DNAH9: variants seen among roughly 807,000 people sequenced by gnomAD.
The protein encoded by DNAH9 is dynein axonemal heavy chain 9.
DNAH9 carries 345 observed loss-of-function variants against 471.6 expected under a neutral mutation model. That is an observed-to-expected ratio of 0.73 (90% CI 0.67 to 0.80). The LOEUF is 0.80. DNAH9 is among the 30% of genes least tolerant of loss of function. The pLI, the probability that DNAH9 is intolerant of heterozygous loss-of-function variation, is 0.00. For missense variants in DNAH9, 5,407 were observed against 5,609.2 expected (o/e 0.96, Z 1.15); for synonymous variants, 2,093 against 2,123.6 (o/e 0.99, Z 0.40).
At chr17:11,913,160 T>A (rs527334712) in intron 61 of DNAH9, among the ~76,000 whole-genome samples, 4 of 150,484 alleles carry the variant, frequency 2.7e-5, no homozygotes, top group Non-Finnish European at 4.5e-5. Flanking sequence ...AAAGCGAGAC[T>A]CTGTCTCAAA....
chr17:11,928,610 C>T (rs554951604), intron 62 of DNAH9, among the ~76,000 whole-genome samples: 12 of 152,262 alleles, frequency 7.9e-5, no homozygotes, highest in African/African-American at 1.2e-4. Context: ...AGCAATCAAA[C>T]GTTGGGAGGA....
At chr17:11,829,711 G>T (rs2150949215) in intron 48 of DNAH9, among the ~76,000 whole-genome samples, 1 of 152,280 alleles carries the variant, frequency 6.6e-6, no homozygotes, top group South Asian at 2.1e-4. Context: ...GGCCTCAGGT[G>T]ATCCTCCCGC....
At chr17:11,875,815 C>T (rs982449699) in intron 53 of DNAH9, 2 of 152,422 alleles carry the variant, frequency 1.3e-5, no homozygotes, top group African/African-American at 4.8e-5. Flanking sequence ...CTTGACATCC[C>T]TCATGCCTCC....
Position 11,822,095 on chromosome 17 carries a change from G to A in DNAH9, c.8850+33G>A, listed in dbSNP as rs1171309494. 3 of 1,591,306 alleles carry A rather than the reference G, an allele frequency of 1.9e-6. No homozygotes were observed. In the African/African-American group the frequency reaches 4.1e-5, roughly 22 times the overall value. ...GCATTTACTGACAGGGGCAGGCAGA[G>A]ACCCGAGATGATTCATGGGAGCTTC... On this transcript the variant is annotated intron_variant, in intron 46 of 68. Transcript: ENST00000262442.
intron 66 of DNAH9, among the ~76,000 whole-genome samples, chr17:11,938,166 G>A (rs1164638857): frequency 6.6e-6 from 1 of 152,122 alleles, no homozygotes; most frequent in Non-Finnish European, 1.5e-5. Flanking sequence ...TGGTGTGGGG[G>A]TAGCTGAAGA....
intron 14 of DNAH9, among the ~76,000 whole-genome samples, chr17:11,653,334 C>G (rs77906841): frequency 6.6e-6 from 1 of 152,108 alleles, no homozygotes; most frequent in Non-Finnish European, 1.5e-5. Flanking sequence ...CATCCCCATC[C>G]CGGCTTGCCC....
chr17:11,606,842 T>C (rs911823976), intron 1 of DNAH9, among the ~76,000 whole-genome samples: 2 of 152,166 alleles, frequency 1.3e-5, no homozygotes, highest in Non-Finnish European at 2.9e-5. Flanking sequence ...TCTCCTCTCA[T>C]ATTAACTTTA....
At chr17:11,957,927 C>T (rs1053540205) in intron 67 of DNAH9, among the ~76,000 whole-genome samples, 2 of 152,086 alleles carry the variant, frequency 1.3e-5, no homozygotes, top group Non-Finnish European at 2.9e-5. Flanking sequence ...ATCTCAAAAT[C>T]GTAAGTTTAA....
chr17:11,891,783 A>C lies in DNAH9; in HGVS notation c.11119A>C (p.Ser3707Arg), dbSNP rs775398463. The change falls in exon 58 of 69, where the codon AGT (serine) becomes CGT (arginine). Residue 3707 changes from serine (S) to arginine (R), a missense_variant. By Grantham distance (110) the Ser-to-Arg change is moderately radical. Around this residue, in one of 3 missense-constraint regions of DNAH9, gnomAD observed 4,636 missense variants for 4,900.3 expected, o/e 0.95. Coordinates refer to ENST00000262442, the MANE Select transcript of DNAH9 (RefSeq NM_001372.4). ...PMYQFSLKAF[S>R]IVFQKAVERA... ...TCCTGTCTTCTGTCCCCAGGCCTTC[A>C]GTATCGTCTTCCAGAAGGCTGTGGA... 5.6e-5 allele frequency: 90 copies of C among 1,613,912 alleles called. No homozygotes were observed. Among genetic ancestry groups the C allele is most frequent in the Non-Finnish European group, 7.5e-5 (89 of 1,179,972 alleles).
chr17:11,629,145 C>T (rs953558414), intron 6 of DNAH9, among the ~76,000 whole-genome samples: 5 of 151,008 alleles, frequency 3.3e-5, no homozygotes, highest in Admixed American at 1.3e-4. Flanking sequence ...ATGTGCACAA[C>T]GTGCAGGTTT....
chr17:11,930,484 TA>T (rs1281503969), intron 63 of DNAH9, among the ~76,000 whole-genome samples: 2 of 152,180 alleles, frequency 1.3e-5, no homozygotes, highest in Admixed American at 6.5e-5. Context: ...ACTTGACGTC[TA>T]CATGAATCTT....
rs1205010044 is a variant in DNAH9 at position 11,645,873 on chromosome 17, C to CTTTTTTT, written c.1970+1179_1970+1180insTTTTTTT. ...TGATGTCCTGTACATTTCTCTTTTT[C>CTTTTTTT]TTTTTCTTTTTTTTTTTTTTTTTTG... On this transcript the variant is annotated intron_variant, in intron 11 of 68. Transcript: ENST00000262442. 7.1e-4 allele frequency among the ~76,000 whole-genome samples: 99 copies of CTTTTTTT among 138,712 alleles called. 1 individual carries two copies. The highest frequency in any genetic ancestry group is 2.7e-3 in the African/African-American group (95 of 35,074). 91.0% of individuals were successfully genotyped at this position (138,712 alleles called of 152,430 possible). A position where few individuals can be genotyped will look rare whatever the true frequency, so the allele number is the denominator to read the frequency against.
chr17:11,855,680 G>T (rs954435140), intron 50 of DNAH9, among the ~76,000 whole-genome samples: 10 of 152,312 alleles, frequency 6.6e-5, no homozygotes, highest in African/African-American at 2.4e-4. Flanking sequence ...ATATTTTAAA[G>T]TTCCAACAGC....
intron 26 of DNAH9, among the ~76,000 whole-genome samples, chr17:11,718,116 A>G (rs1302192214): frequency 1.3e-5 from 2 of 152,200 alleles, no homozygotes; most frequent in Non-Finnish European, 2.9e-5. Context: ...GGCTCAAGCT[A>G]TCCATCTGCC....
intron 50 of DNAH9, among the ~76,000 whole-genome samples, chr17:11,866,768 C>T (rs1407350082): frequency 1.3e-5 from 2 of 152,212 alleles, no homozygotes; most frequent in African/African-American, 4.8e-5. Context: ...GCAGTTTGAT[C>T]TCAGACTGCT....
At chr17:11,836,982 AATG>A (rs1319892612) in intron 49 of DNAH9, among the ~76,000 whole-genome samples, 1 of 152,202 alleles carries the variant, frequency 6.6e-6, no homozygotes, top group African/African-American at 2.4e-5. Context: ...AAATGGAAGC[AATG>A]ATAATACCAT....
chr17:11,693,525 C>T (rs1380244833), intron 20 of DNAH9, among the ~76,000 whole-genome samples: 1 of 151,994 alleles, frequency 6.6e-6, no homozygotes, highest in African/African-American at 2.4e-5. Flanking sequence ...TCCGAAAGTG[C>T]TGGGATTACA....
chr17:11,923,778 C>T (rs1443226502), intron 61 of DNAH9, 36 bp from the exon 62 acceptor site: 2 of 1,609,298 alleles, frequency 1.2e-6, no homozygotes, highest in Admixed American at 3.4e-5. Flanking sequence ...TCATTAGACA[C>T]AAGAAATAAT....
chr17:11,869,329 A>G lies in DNAH9; in HGVS notation c.10053+76A>G, dbSNP rs1597762362. The G allele has an allele frequency of 3.8e-6, 6 of 1,577,142 alleles. No individual in the cohort carries two copies. The East Asian group carries it at 1.4e-4, about 36-fold the overall frequency. ...CAAATGCCGTGGAGGTGCAAGATAG[A>G]TGAGCACAGCACAGCAGCGCTTTGA... On this transcript the variant is annotated intron_variant, in intron 51 of 68. Transcript: ENST00000262442.
Sources: gnomAD v4.1 joint callset for allele counts (sites outside exome capture counted in the v4.1 genomes callset) on GRCh38, gnomAD v4.1.1 for gene constraint, gnomAD v4.1.1 regional missense constraint, MANE v1.5 for transcripts, NCBI Gene and HGNC (gene_info 2026-07-23, HGNC 2026-07-21) for gene names.